PTER: variants seen among roughly 807,000 people sequenced by gnomAD.
PTER encodes the protein phosphotriesterase related.
A neutral mutation model predicts 29.6 loss-of-function variants in PTER; 38 were observed. The ratio of observed to expected loss-of-function variants is 1.28; its 90% CI spans 0.99 to 1.68. The LOEUF is 1.68. Ranked by LOEUF, PTER falls within the 40% of genes most tolerant of loss-of-function variation. The pLI is 0.00. For missense variants in PTER, 482 were observed against 427.8 expected, an observed-to-expected ratio of 1.13 and a Z score of -1.12; for synonymous variants, 172 against 154.5, an observed-to-expected ratio of 1.11 and a Z score of -0.84.
chr10:16,451,926 T>C (rs1321053539), intron 1 of PTER, among the ~76,000 whole-genome samples: 1 of 152,160 alleles, frequency 6.6e-6, no homozygotes, highest in Non-Finnish European at 1.5e-5. Context: ...TCAGTTCTTG[T>C]GAAACTTGAT....
At chr10:16,457,357 C>T (rs1238389213) in intron 1 of PTER, among the ~76,000 whole-genome samples, 1 of 151,760 alleles carries the variant, frequency 6.6e-6, no homozygotes, top group African/African-American at 2.4e-5. Flanking sequence ...GGACTACAGG[C>T]GCCCGCCACC....
chr10:16,438,419 C>T (rs1242269639), intron 1 of PTER, among the ~76,000 whole-genome samples: 1 of 151,464 alleles, frequency 6.6e-6, no homozygotes, highest in Non-Finnish European at 1.5e-5. Flanking sequence ...AGCTCAGTCT[C>T]CCACAGGTGC....
intron 1 of PTER, among the ~76,000 whole-genome samples, chr10:16,470,626 G>A (rs1001869742): frequency 2.6e-5 from 4 of 152,100 alleles, no homozygotes; most frequent in African/African-American, 9.7e-5. Flanking sequence ...AACTTAGCTG[G>A]GTGTGGTGGC....
intron 1 of PTER, among the ~76,000 whole-genome samples, chr10:16,443,774 C>T (rs1045622410): frequency 6.6e-6 from 1 of 152,148 alleles, no homozygotes; most frequent in Non-Finnish European, 1.5e-5. Context: ...CAAAAATTTC[C>T]TCTCCGAATC....
At chr10:16,515,868 A>G (rs1588640394), downstream of PTER, among the ~76,000 whole-genome samples, 2 of 152,234 alleles carry the variant, frequency 1.3e-5, 1 homozygote, top group East Asian at 3.9e-4. Context: ...GGTTTTGTAA[A>G]CCTGCACTAT....
chr10:16,473,254 C>T (rs973864713), intron 1 of PTER, among the ~76,000 whole-genome samples: 4 of 151,994 alleles, frequency 2.6e-5, no homozygotes, highest in Admixed American at 2.0e-4. Context: ...CACCTCTAAC[C>T]TGACGAAGCC....
chr10:16,471,315 T>C (rs1478481909), intron 1 of PTER, among the ~76,000 whole-genome samples: 2 of 152,226 alleles, frequency 1.3e-5, no homozygotes, highest in Non-Finnish European at 2.9e-5. Context: ...GGATTCAAAA[T>C]GTATATGTTA....
intron 1 of PTER, among the ~76,000 whole-genome samples, chr10:16,463,207 A>AT (rs1002203454): frequency 6.8e-6 from 1 of 148,068 alleles, no homozygotes; most frequent in Non-Finnish European, 1.5e-5. Flanking sequence ...CTAAAAAAAA[A>AT]AAAAAAAAAA....
At chr10:16,463,191 C>A (rs1397700664) in intron 1 of PTER, among the ~76,000 whole-genome samples, 7 of 128,752 alleles carry the variant, frequency 5.4e-5, no homozygotes, top group Non-Finnish European at 4.8e-5. Context: ...CAGAGCGAGA[C>A]TCTGTCTAAA....
At chr10:16,506,865 T>C (rs930204373) in intron 4 of PTER, among the ~76,000 whole-genome samples, 4 of 152,070 alleles carry the variant, frequency 2.6e-5, no homozygotes, top group Non-Finnish European at 4.4e-5. Context: ...GGATGTGTTA[T>C]GTGCGAGACC....
chr10:16,462,550 T>C (rs954950974), intron 1 of PTER, among the ~76,000 whole-genome samples: 35 of 151,186 alleles, frequency 2.3e-4, no homozygotes, highest in Non-Finnish European at 2.9e-4. Context: ...CGATTTGTGC[T>C]GTGTCTTCCA....
intron 2 of PTER, among the ~76,000 whole-genome samples, chr10:16,486,025 C>T (rs1402807815): frequency 1.3e-5 from 2 of 152,066 alleles, no homozygotes; most frequent in African/African-American, 4.8e-5. Flanking sequence ...GATGCTGCTC[C>T]CCAGGTTAAG....
rs187055208 is a variant in PTER at position 16,504,678 on chromosome 10, T to A, written c.699-342T>A. Among the ~76,000 whole-genome samples, 8 of 152,302 alleles carry A rather than the reference T, an allele frequency of 5.3e-5. No homozygotes were observed. In the East Asian group the frequency reaches 1.5e-3, roughly 29 times the overall value. The stretch of plus-strand genomic sequence containing the variant: ...CTTTAGAGGATGAAAATTTACCCCA[T>A]TAAGGATTCTCAAAATAGTGTGGGG... On this transcript the variant is annotated intron_variant, in intron 3 of 4. Transcript: ENST00000535784.
Position 16,511,389 on chromosome 10 carries a change from A to C in PTER, c.*133A>C, listed in dbSNP as rs901302974. On this transcript the variant is annotated 3_prime_UTR_variant, in exon 5 of 5. Transcript: ENST00000535784. ...TCATTTCCTTCTGATGAGAACTAGG[A>C]GGGTTTGCCTTCTCTGAGACCAGCT... 8 of 832,634 alleles carry C rather than the reference A, an allele frequency of 9.6e-6. No homozygotes were observed. Among genetic ancestry groups the C allele is most frequent in the African/African-American group, 8.5e-5 (5 of 59,028 alleles). The allele number at this position is 832,634 out of a possible 1,614,324, so 51.6% of individuals were successfully genotyped here. A position where few individuals can be genotyped will look rare whatever the true frequency, so the allele number is the denominator to read the frequency against.
At chr10:16,467,509 A>G (rs1009444648) in intron 1 of PTER, among the ~76,000 whole-genome samples, 4 of 152,196 alleles carry the variant, frequency 2.6e-5, no homozygotes, top group African/African-American at 9.7e-5. Flanking sequence ...ACAGAATAAT[A>G]ATCTAAAATA....
chr10:16,486,345 TC>T lies in PTER; in HGVS notation c.433-5del. On this transcript the variant is annotated splice_polypyrimidine_tract_variant and splice_region_variant and intron_variant, in intron 2 of 4. Coordinates refer to ENST00000535784, the MANE Select transcript of PTER (RefSeq NM_001261836.2). ...TATAAAATATATTCCTTCTCACTCT[TC>T]CTTAGCTTACCGATGTCCTTATGAA... 6.2e-7 allele frequency: 1 copy of T among 1,610,782 alleles called. No individual in the cohort carries two copies.
rs1418029517 is a variant in PTER, at chr10:16,513,129, A to G, written c.*1873A>G. The stretch of plus-strand genomic sequence containing the variant: ...GAATGCAGTTAAAGTATTGATTGGC[A>G]TATGGTAATAGAGCAACCATAGCCT... On this transcript the variant is annotated 3_prime_UTR_variant, in exon 5 of 5. Coordinates refer to ENST00000535784, the MANE Select transcript of PTER (RefSeq NM_001261836.2). 6.6e-6 allele frequency: 1 copy of G among 152,214 alleles called. No homozygotes were observed. The highest frequency in any genetic ancestry group is 1.5e-5 in the Non-Finnish European group (1 of 67,996). The allele number at this position is 152,214 out of a possible 1,614,324, so 9.4% of individuals were successfully genotyped here.
At chr10:16,513,758 C>T (rs181918794), downstream of PTER, 3 of 152,620 alleles carry the variant, frequency 2.0e-5, no homozygotes, top group East Asian at 5.8e-4. Context: ...TAAATGTATT[C>T]AGTTGACAAA....
chr10:16,466,474 G>C (rs1834836152), intron 1 of PTER, among the ~76,000 whole-genome samples: 1 of 152,190 alleles, frequency 6.6e-6, no homozygotes, highest in Admixed American at 6.5e-5. Context: ...TCATGACTCA[G>C]CCTCCCAAGT....
Sources: gnomAD v4.1 joint callset for allele counts (sites outside exome capture counted in the v4.1 genomes callset) on GRCh38, gnomAD v4.1.1 for gene constraint, MANE v1.5 for transcripts, NCBI Gene and HGNC (gene_info 2026-07-23, HGNC 2026-07-21) for gene names.